GLMN: variants seen among roughly 807,000 people sequenced by gnomAD.
The protein encoded by GLMN is glomulin, FKBP associated protein, also known as glomulin.
A neutral mutation model predicts 87.8 loss-of-function variants in GLMN; 75 were observed. The observed-to-expected ratio is 0.85, with a 90% CI of 0.71 to 1.04. The LOEUF (loss-of-function observed/expected upper bound fraction) is 1.04. Among genes scored for constraint, GLMN ranks in the 50% least tolerant of loss-of-function variants. GLMN has a pLI of 0.00. For synonymous variants in GLMN, 206 were observed against 221.6 expected (o/e 0.93, Z 0.63); for missense variants, 588 against 658.8 (o/e 0.89, Z 1.18).
At chr1:92,264,436 ATATT>A (rs1655382139) in intron 14 of GLMN, 114 bp downstream of exon 14, 2 of 633,394 alleles carry the variant, frequency 3.2e-6, no homozygotes, top group African/African-American at 3.7e-5. Flanking sequence ...TGCCTTAATA[ATATT>A]TAAGTAATAG....
At chr1:92,320,004 A>G in the GLMN span, among the ~76,000 whole-genome samples, 1 of 152,200 alleles carries the variant, frequency 6.6e-6, no homozygotes, top group South Asian at 2.1e-4. Flanking sequence ...ATCTCAAAAA[A>G]AAAAAAAAGA....
At chr1:92,251,426 T>TATCTC (rs1158349333) in intron 16 of GLMN, among the ~76,000 whole-genome samples, 2 of 152,082 alleles carry the variant, frequency 1.3e-5, no homozygotes, top group African/African-American at 4.8e-5. Flanking sequence ...TCTCAACCCA[T>TATCTC]ATCTCATATC....
At chr1:92,330,921 T>G in the GLMN span, among the ~76,000 whole-genome samples, 1 of 152,156 alleles carries the variant, frequency 6.6e-6, no homozygotes, top group African/African-American at 2.4e-5. Context: ...CCATATTTAC[T>G]GAATGAGAAT....
rs1648267339 is a variant in GLMN, at chr1:92,282,990, C to T, written c.735+3500G>A. Reference sequence around the variant, plus strand: ...TGAAATTGAGGCAATAATTAATAGCCTACCAACCAAAAAAAGTCGAGGACC... The same window carrying T: ...TGAAATTGAGGCAATAATTAATAGCTTACCAACCAAAAAAAGTCGAGGACC... On this transcript the variant is annotated intron_variant, in intron 7 of 18. Transcript: ENST00000370360. Among the ~76,000 whole-genome samples the T allele has an allele frequency of 2.0e-5, 3 of 152,048 alleles. No homozygotes were observed. The South Asian group carries it at 6.2e-4, about 32-fold the overall frequency.
the GLMN span, among the ~76,000 whole-genome samples, chr1:92,312,539 G>C: frequency 6.6e-6 from 1 of 152,174 alleles, no homozygotes; most frequent in African/African-American, 2.4e-5. Flanking sequence ...CCTTCATCAG[G>C]AGTAGATTCC....
At chr1:92,323,079 A>G in the GLMN span, among the ~76,000 whole-genome samples, 1 of 146,138 alleles carries the variant, frequency 6.8e-6, no homozygotes, top group African/African-American at 2.5e-5. Context: ...ATATATTTAT[A>G]TATATATATA....
chr1:92,320,530 A>T, the GLMN span: 1 of 1,319,632 alleles, frequency 7.6e-7, no homozygotes, highest in Non-Finnish European at 1.1e-6. Flanking sequence ...CCAGCCTCCG[A>T]AAGTGCTGGG....
At chr1:92,295,041 T>C (rs1031950952) in intron 3 of GLMN, among the ~76,000 whole-genome samples, 5 of 152,368 alleles carry the variant, frequency 3.3e-5, no homozygotes, top group Middle Eastern at 6.8e-3. Flanking sequence ...TGACCACATA[T>C]TGCAAAGGTG....
chr1:92,269,171 G>C (rs1655971329), intron 9 of GLMN, among the ~76,000 whole-genome samples: 1 of 150,064 alleles, frequency 6.7e-6, no homozygotes, highest in African/African-American at 2.4e-5. Flanking sequence ...CAAAGTGCTG[G>C]GATTATAGGC....
the GLMN span, among the ~76,000 whole-genome samples, chr1:92,344,882 C>CTG: frequency 6.6e-6 from 1 of 152,056 alleles, no homozygotes; most frequent in Admixed American, 6.5e-5. Flanking sequence ...TATAAATTCC[C>CTG]TGTTCATATC....
At chr1:92,337,357 A>T in the GLMN span, among the ~76,000 whole-genome samples, 27 of 152,232 alleles carry the variant, frequency 1.8e-4, no homozygotes, top group East Asian at 5.2e-3. Flanking sequence ...ACATCATTTT[A>T]AACTGGCAAA....
chr1:92,356,869 C>A, the GLMN span, among the ~76,000 whole-genome samples: 1 of 151,810 alleles, frequency 6.6e-6, no homozygotes, highest in African/African-American at 2.4e-5. Flanking sequence ...TCAAGACCAA[C>A]CTGGCCAACA....
the GLMN span, among the ~76,000 whole-genome samples, chr1:92,305,256 T>C: frequency 6.6e-6 from 1 of 151,044 alleles, no homozygotes; most frequent in African/African-American, 2.4e-5. Context: ...CACAGTGAAA[T>C]CCCATCTCTA....
chr1:92,264,619 T>C lies in GLMN; in HGVS notation c.1234A>G (p.Asn412Asp). 6.3e-7 allele frequency: 1 copy of C among 1,579,388 alleles called. No homozygotes were observed. The highest frequency in any genetic ancestry group is 8.7e-7 in the Non-Finnish European group (1 of 1,148,586). Residue 412 changes from asparagine to aspartate, a missense_variant, in exon 14 of 19, where the codon AAT (asparagine) becomes GAT (aspartate). By Grantham distance (23) the Asn-to-Asp change is conservative. Transcript: ENST00000370360. Reference sequence around the variant, plus strand: ...ATAAAAGCCTCCACACCTGAGTGATTACTTGTATTCAATAAGCACCTTGAA... The same window carrying C: ...ATAAAAGCCTCCACACCTGAGTGATCACTTGTATTCAATAAGCACCTTGAA... ...TLFRCLLNTS[N>D]HSGVEAFIIQ...
At chr1:92,268,932 C>A (rs79498152) in intron 9 of GLMN, among the ~76,000 whole-genome samples, 24 of 86,590 alleles carry the variant, frequency 2.8e-4, no homozygotes, top group African/African-American at 8.7e-4. Context: ...TTTTTTTTTT[C>A]TTTTGCGACA....
At chr1:92,282,931 A>G (rs1648258679) in intron 7 of GLMN, among the ~76,000 whole-genome samples, 1 of 152,226 alleles carries the variant, frequency 6.6e-6, no homozygotes, top group African/African-American at 2.4e-5. Context: ...AACCTAAAAG[A>G]AGTTGAATCT....
upstream of GLMN, among the ~76,000 whole-genome samples, chr1:92,302,590 ATTTTTTTTTTTT>A (rs36067595): frequency 1.2e-4 from 9 of 74,316 alleles, no homozygotes; most frequent in African/African-American, 4.0e-4. Context: ...TCCGCATTAA[ATTTTTTTTTTTT>A]TTTTTTTTTT....
chr1:92,325,228 C>T, the GLMN span, among the ~76,000 whole-genome samples: 3 of 151,960 alleles, frequency 2.0e-5, no homozygotes, highest in Non-Finnish European at 2.9e-5. Context: ...CTTGTTTTTA[C>T]CACAAAACTT....
chr1:92,360,583 G>A, the GLMN span, among the ~76,000 whole-genome samples: 4 of 152,244 alleles, frequency 2.6e-5, no homozygotes, highest in Admixed American at 2.6e-4. Context: ...GGTAACTGGT[G>A]GAATGTGGCC....
Sources: allele counts gnomAD v4.1 joint callset (sites outside exome capture counted in the v4.1 genomes callset), GRCh38; gene constraint gnomAD v4.1.1; transcripts MANE v1.5; gene names NCBI Gene and HGNC (gene_info 2026-07-23, HGNC 2026-07-21).